MAP3K13: variants seen among roughly 807,000 people sequenced by gnomAD.
MAP3K13 encodes mitogen-activated protein kinase kinase kinase 13.
MAP3K13 carries 52 observed loss-of-function variants against 104.0 expected under a neutral mutation model. The ratio of observed to expected loss-of-function variants is 0.50; its 90% CI spans 0.40 to 0.63. The LOEUF (loss-of-function observed/expected upper bound fraction) is 0.63. Among genes scored for constraint, MAP3K13 ranks in the 20% least tolerant of loss-of-function variants. The probability of loss-of-function intolerance (pLI) is 0.00; values close to 1 mark genes in which losing one functional copy is unlikely to be tolerated. For synonymous variants in MAP3K13, 394 were observed against 442.2 expected, an observed-to-expected ratio of 0.89 and a Z score of 1.37; for missense variants, 914 against 1,218.5, an observed-to-expected ratio of 0.75 and a Z score of 3.72.
At chr3:185,298,359 C>T (rs753133299) in intron 2 of MAP3K13, among the ~76,000 whole-genome samples, 3 of 151,828 alleles carry the variant, frequency 2.0e-5, no homozygotes, top group African/African-American at 4.8e-5. Context: ...TTATGTTCCA[C>T]GTATTTCAAG....
At position 185,417,626 on chromosome 3, in the gene MAP3K13, C is replaced by G. The variant is rs1420173765; in HGVS notation, c.-85-10871C>G. ...TTCTGCTTCTTAACACCAACAGCAGCCTTCTTTCCTTTCTTACCTACCACA... is the reference window on the plus strand; with the variant it reads ...TTCTGCTTCTTAACACCAACAGCAGGCTTCTTTCCTTTCTTACCTACCACA... On this transcript the variant is annotated intron_variant, in intron 1 of 13. Transcript: ENST00000265026. 67 of 1,611,754 alleles carry G rather than the reference C, an allele frequency of 4.2e-5. 1 individual carries two copies. The highest frequency in any genetic ancestry group is 5.5e-5 in the South Asian group (5 of 90,982).
chr3:185,454,454 GATATATATGAT>G lies in MAP3K13; in HGVS notation c.1278+3070_1278+3080del, dbSNP rs1560116631. 6.6e-3 allele frequency among the ~76,000 whole-genome samples: 364 copies of G among 55,476 alleles called. 18 individuals are homozygous for G. Among genetic ancestry groups the G allele is most frequent in the African/African-American group, 0.02 (353 of 17,368 alleles). The allele number at this position is 55,476 out of a possible 152,430, so 36.4% of individuals were successfully genotyped here. On this transcript the variant is annotated intron_variant, in intron 7 of 13. Coordinates refer to ENST00000265026, the MANE Select transcript of MAP3K13 (RefSeq NM_004721.5). Reference sequence around the variant, plus strand: ...TGATATATATGAGATATATATATGAGATATATATGATATATATATGAGATATATATGATATA... The same window carrying G: ...TGATATATATGAGATATATATATGAGATATATATGAGATATATATGATATA...
intron 2 of MAP3K13, among the ~76,000 whole-genome samples, chr3:185,302,851 G>A (rs1327021119): frequency 6.6e-6 from 1 of 151,950 alleles, no homozygotes; most frequent in African/African-American, 2.4e-5. Context: ...AATTGCCCTG[G>A]CCAATACTTC....
At chr3:185,480,006 C>T (rs1036183365) in intron 12 of MAP3K13, among the ~76,000 whole-genome samples, 3 of 152,224 alleles carry the variant, frequency 2.0e-5, no homozygotes, top group Non-Finnish European at 4.4e-5. Flanking sequence ...TCTCCGAATA[C>T]AGTCGCACTG....
intron 7 of MAP3K13, among the ~76,000 whole-genome samples, chr3:185,461,146 C>T (rs1189798880): frequency 1.3e-5 from 2 of 152,194 alleles, no homozygotes; most frequent in African/African-American, 4.8e-5. Flanking sequence ...ACCAAACTTT[C>T]GTTTACAGCT....
upstream of MAP3K13, among the ~76,000 whole-genome samples, chr3:185,361,441 C>T (rs1163115490): frequency 6.6e-6 from 1 of 150,540 alleles, no homozygotes; most frequent in Non-Finnish European, 1.5e-5. Context: ...TGCTCTGTCA[C>T]CCAGGCTGGA....
rs537851117 is a variant in MAP3K13, at chr3:185,344,856, C to A, written c.-86+59213C>A. ...TATAATGTTATTGGAAATGGGATCT[C>A]GCAACTTCATTTCTACTAATCTCAT... On this transcript the variant is annotated intron_variant, in intron 2 of 14. Transcript: ENST00000424227. 1.4e-4 allele frequency among the ~76,000 whole-genome samples: 22 copies of A among 151,838 alleles called. No homozygotes were observed. In the South Asian group the frequency reaches 4.6e-3, roughly 32 times the overall value.
In MAP3K13 at chr3:185,467,643, C is replaced by T. The variant is rs571361955; in HGVS notation, c.1643+680C>T. The stretch of plus-strand genomic sequence containing the variant: ...ACTAAAAATACAAAAATTATCTGGG[C>T]GTGGTGGCACGTGCCTGTAATCCCA... On this transcript the variant is annotated intron_variant, in intron 10 of 13. Transcript: ENST00000265026. Among the ~76,000 whole-genome samples the T allele has an allele frequency of 9.9e-5, 15 of 151,956 alleles. 1 individual carries two copies. In the South Asian group the frequency reaches 2.5e-3, roughly 25 times the overall value.
At position 185,285,300 on chromosome 3, in the gene MAP3K13, T is replaced by C. The variant is rs541999717; in HGVS notation, c.-204-225T>C. 3.6e-5 allele frequency: 8 copies of C among 219,842 alleles called. No homozygotes were observed. In the South Asian group the frequency reaches 1.0e-3, roughly 27 times the overall value. The allele number at this position is 219,842 out of a possible 1,614,324, so 13.6% of individuals were successfully genotyped here. A position where few individuals can be genotyped will look rare whatever the true frequency, so the allele number is the denominator to read the frequency against. On this transcript the variant is annotated intron_variant, in intron 1 of 14. Transcript: ENST00000424227. The stretch of plus-strand genomic sequence containing the variant: ...AAAATTATGGTACAAAGTCATGTTT[T>C]GAGATCCTGTAGATTTATGTTAATA...
At chr3:185,286,447 A>G (rs1720514628) in intron 2 of MAP3K13, among the ~76,000 whole-genome samples, 1 of 151,988 alleles carries the variant, frequency 6.6e-6, no homozygotes, top group African/African-American at 2.4e-5. Context: ...TTGGCCTTAC[A>G]CACAGAAATT....
At chr3:185,389,565 A>T (rs1385484541) in intron 1 of MAP3K13, among the ~76,000 whole-genome samples, 1 of 152,048 alleles carries the variant, frequency 6.6e-6, no homozygotes, top group Non-Finnish European at 1.5e-5. Context: ...TTTTTAAAAA[A>T]AGATAGAAAA....
chr3:185,386,702 G>A (rs911244467), intron 1 of MAP3K13, among the ~76,000 whole-genome samples: 4 of 152,104 alleles, frequency 2.6e-5, no homozygotes, highest in Non-Finnish European at 5.9e-5. Context: ...CATATACACC[G>A]TGGAACACTA....
intron 1 of MAP3K13, among the ~76,000 whole-genome samples, chr3:185,402,833 T>A (rs1712894443): frequency 6.6e-6 from 1 of 152,192 alleles, no homozygotes; most frequent in Non-Finnish European, 1.5e-5. Flanking sequence ...GCAATGTGCC[T>A]CTGAATTCCA....
At chr3:185,370,741 CAAAAAAAA>C (rs60757309) in intron 1 of MAP3K13, among the ~76,000 whole-genome samples, 5 of 111,994 alleles carry the variant, frequency 4.5e-5, no homozygotes, top group African/African-American at 6.9e-5. Context: ...TCTCTGTAGT[CAAAAAAAA>C]AAAAAAAAAA....
intron 11 of MAP3K13, among the ~76,000 whole-genome samples, chr3:185,474,066 TAATC>T (rs1392122369): frequency 6.6e-6 from 1 of 152,198 alleles, no homozygotes; most frequent in Non-Finnish European, 1.5e-5. Context: ...CTCACGCCTA[TAATC>T]CCAGCAATTT....
At position 185,447,913 on chromosome 3, in the gene MAP3K13, C is replaced by A. The variant is rs1185555747; in HGVS notation, c.976C>A (p.Arg326=). The change falls in exon 5 of 14, where the codon CGG becomes AGG. Residue 326 remains arginine, a synonymous_variant. Coordinates refer to ENST00000265026, the MANE Select transcript of MAP3K13 (RefSeq NM_004721.5). Reference sequence around the variant, plus strand: ...CGCATGGATGGCGCCAGAGGTGATACGGAATGAACCTGTCTCTGAAAAAGT... The same window carrying A: ...CGCATGGATGGCGCCAGAGGTGATAAGGAATGAACCTGTCTCTGAAAAAGT... ...TVAWMAPEVI[R]NEPVSEKVDI... is the part of the protein sequence containing the mutation. 1 of 1,611,952 alleles carries A rather than the reference C, an allele frequency of 6.2e-7. No individual in the cohort carries two copies. Among genetic ancestry groups the A allele is most frequent in the Non-Finnish European group, 8.5e-7 (1 of 1,179,420 alleles).
chr3:185,299,873 T>TTA, intron 2 of MAP3K13, among the ~76,000 whole-genome samples: 1 of 151,948 alleles, frequency 6.6e-6, no homozygotes. Flanking sequence ...GCCCTCTCTC[T>TTA]CTCTTTTTAA....
rs1716654175 is a variant in MAP3K13, at chr3:185,455,762, GATATATATATGAT to G, written c.1278+4376_1278+4388del. ...AGATATATATATGATATATATATGA[GATATATATATGAT>G]ATATATATGAGATATATATATGAGA... On this transcript the variant is annotated intron_variant, in intron 7 of 13. Coordinates refer to ENST00000265026, the MANE Select transcript of MAP3K13 (RefSeq NM_004721.5). Among the ~76,000 whole-genome samples the G allele has an allele frequency of 7.0e-5, 4 of 57,536 alleles. No homozygotes were observed. The East Asian group carries it at 1.4e-3, about 20-fold the overall frequency. 37.7% of individuals were successfully genotyped at this position (57,536 alleles called of 152,430 possible).
intron 12 of MAP3K13, among the ~76,000 whole-genome samples, chr3:185,477,732 T>C (rs541449519): frequency 1.3e-5 from 2 of 152,320 alleles, no homozygotes; most frequent in East Asian, 3.9e-4. Flanking sequence ...CTCCCTGTGT[T>C]GGTCTGCTCA....
Sources: allele counts gnomAD v4.1 joint callset (sites outside exome capture counted in the v4.1 genomes callset), GRCh38; gene constraint gnomAD v4.1.1; transcripts MANE v1.5; gene names NCBI Gene and HGNC (gene_info 2026-07-23, HGNC 2026-07-21).